DLC1: variants seen among roughly 807,000 people sequenced by gnomAD.
DLC1 encodes rho GTPase-activating protein 7.
Under a neutral mutation model 140.3 loss-of-function variants are expected in DLC1, and 54 were observed. The ratio of observed to expected loss-of-function variants is 0.38; its 90% CI spans 0.31 to 0.48. The LOEUF (loss-of-function observed/expected upper bound fraction) is 0.48. Ranked by LOEUF, DLC1 falls within the 20% of genes least tolerant of loss-of-function variation. The probability of loss-of-function intolerance (pLI) is 0.96; values close to 1 mark genes in which losing one functional copy is unlikely to be tolerated. For missense variants in DLC1, 2,536 were observed against 1,907.0 expected (o/e 1.33, Z -6.14); for synonymous variants, 986 against 728.1 (o/e 1.35, Z -5.70).
chr8:13,242,993 G>A (rs776732851), intron 5 of DLC1, among the ~76,000 whole-genome samples: 5 of 151,952 alleles, frequency 3.3e-5, no homozygotes, highest in South Asian at 2.1e-4. Flanking sequence ...TGTTGTTCTC[G>A]TGATGGTGAG....
At chr8:13,394,446 G>C (rs928880534) in intron 3 of DLC1, among the ~76,000 whole-genome samples, 18 of 152,096 alleles carry the variant, frequency 1.2e-4, no homozygotes, top group African/African-American at 4.3e-4. Context: ...GTCAAGACAT[G>C]TCTGTTGAGT....
chr8:13,100,086 T>C lies in DLC1; in HGVS notation c.2251A>G (p.Ser751Gly), dbSNP rs1267358200. ...SSSSSQSETS[S>G]AVSTPSPVTR... The stretch of plus-strand genomic sequence containing the variant: ...ACAGGGCTGGGCGTGCTGACCGCGC[T>C]GCTGGTCTCCGACTGGCTGCTGCTG... Residue 751 changes from serine to glycine, a missense_variant, in exon 9 of 18, where the codon AGC becomes GGC. Transcript: ENST00000276297. The C allele has an allele frequency of 6.2e-7, 1 of 1,613,812 alleles. No individual in the cohort carries two copies. Among genetic ancestry groups the C allele is most frequent in the Non-Finnish European group, 8.5e-7 (1 of 1,180,036 alleles).
rs562365620 is a variant in DLC1 at position 13,182,587 on chromosome 8, C to G, written c.1349-66930G>C. 2.0e-5 allele frequency among the ~76,000 whole-genome samples: 3 copies of G among 152,234 alleles called. No individual in the cohort carries two copies. The East Asian group carries it at 5.8e-4, about 29-fold the overall frequency. On this transcript the variant is annotated intron_variant, in intron 5 of 17. Transcript: ENST00000276297. ...ATTTATTAAATAGGGAATCTTTTCC[C>G]CATTTCTTGTTTTTGTCAGGTTTGT...
At chr8:13,432,335 C>T (rs1838915562) in intron 2 of DLC1, among the ~76,000 whole-genome samples, 1 of 152,028 alleles carries the variant, frequency 6.6e-6, no homozygotes, top group Non-Finnish European at 1.5e-5. Flanking sequence ...AATTTGAGAG[C>T]AAAACATGCA....
chr8:13,183,325 T>C (rs1826150177), intron 5 of DLC1, among the ~76,000 whole-genome samples: 1 of 152,206 alleles, frequency 6.6e-6, no homozygotes, highest in Non-Finnish European at 1.5e-5. Context: ...CTTGCCTGAT[T>C]GCCCTGGCCA....
At chr8:13,315,904 T>C (rs538489491) in intron 4 of DLC1, among the ~76,000 whole-genome samples, 1 of 152,358 alleles carries the variant, frequency 6.6e-6, no homozygotes, top group African/African-American at 2.4e-5. Flanking sequence ...AGTGGGTTTG[T>C]ATTTCCAGCT....
rs73665127 is a variant in DLC1 at position 13,500,911 on chromosome 8, T to C, written c.-125-715A>G. ...GGTATTTTTGAAGCTTAAGGGAAAT[T>C]AAATAATTTACTAAAGTTATACATG... On this transcript the variant is annotated intron_variant, in intron 1 of 17. Transcript: ENST00000276297. Among the ~76,000 whole-genome samples, 1,446 of 152,286 alleles carry C rather than the reference T, an allele frequency of 9.5e-3. 27 individuals are homozygous for C. The highest frequency in any genetic ancestry group is 0.033 in the African/African-American group (1,361 of 41,552).
chr8:13,155,224 A>G (rs1563116919), intron 5 of DLC1, among the ~76,000 whole-genome samples: 1 of 151,646 alleles, frequency 6.6e-6, no homozygotes, highest in African/African-American at 2.4e-5. Flanking sequence ...TTATATGGCT[A>G]TATCCTAATT....
At chr8:13,241,170 C>G (rs17188957) in intron 5 of DLC1, among the ~76,000 whole-genome samples, 7,672 of 152,298 alleles carry the variant, frequency 0.05, 239 homozygotes, top group South Asian at 0.14. Context: ...GGAGGCCAAA[C>G]TGTGGCTTCA....
chr8:13,146,799 C>G (rs558854586), intron 5 of DLC1, among the ~76,000 whole-genome samples: 1 of 152,184 alleles, frequency 6.6e-6, no homozygotes, highest in South Asian at 2.1e-4. Flanking sequence ...GAAAAGCAAA[C>G]CAGGAAATTT....
chr8:13,289,216 T>C lies in DLC1; in HGVS notation c.1348+16053A>G, dbSNP rs1278522905. Among the ~76,000 whole-genome samples the C allele has an allele frequency of 3.3e-5, 5 of 152,130 alleles. No homozygotes were observed. In the East Asian group the frequency reaches 7.7e-4, roughly 23 times the overall value. Reference sequence around the variant, plus strand: ...ATTCCTTTTATTATTATTATTATTATTTAGAGACATTGTTTTGTTCTGTCA... The same window carrying C: ...ATTCCTTTTATTATTATTATTATTACTTAGAGACATTGTTTTGTTCTGTCA... On this transcript the variant is annotated intron_variant, in intron 5 of 17. Transcript: ENST00000276297.
Position 13,090,342 on chromosome 8 carries a change from A to G in DLC1, c.3984T>C (p.Cys1328=), listed in dbSNP as rs368335571. The change falls in exon 15 of 18, where the codon TGT becomes TGC. Residue 1328 remains cysteine (C), a synonymous_variant. Coordinates refer to ENST00000276297, the MANE Select transcript of DLC1 (RefSeq NM_182643.3). ...TGACTTCTTTAAACAGGCCATCCAC[A>G]CAGTCCTGGAGGAAGTGTTGGTAGT... The part of the protein sequence containing the change: ...SADYQHFLQD[C]VDGLFKEVKE... The G allele has an allele frequency of 6.2e-7, 1 of 1,614,036 alleles. No individual in the cohort carries two copies. The highest frequency in any genetic ancestry group is 1.3e-5 in the African/African-American group (1 of 74,920).
At chr8:13,528,682 C>A (rs527652862) in intron 1 of DLC1, among the ~76,000 whole-genome samples, 96 of 152,138 alleles carry the variant, frequency 6.3e-4, no homozygotes, top group Non-Finnish European at 9.3e-4. Context: ...TTATTTGGGG[C>A]CTTGCTGAGC....
chr8:13,349,064 T>C (rs1834510211), intron 4 of DLC1, among the ~76,000 whole-genome samples: 1 of 152,140 alleles, frequency 6.6e-6, no homozygotes, highest in Admixed American at 6.5e-5. Context: ...CACAGTCGAT[T>C]TCCTGTCCGC....
At position 13,499,899 on chromosome 8, in the gene DLC1, C is replaced by G. The variant is rs745558252; in HGVS notation, c.173G>C (p.Cys58Ser). ...ATLNVDRKEK[C>S]VSLPDCCHGS... is the part of the protein sequence containing the mutation. ...ATGACAGCAGTCAGGTAGTGAAACA[C>G]ACTTCTCTTTGCGGTCCACATTTAG... The change falls in exon 2 of 18, where the codon TGT (cysteine) becomes TCT (serine). Residue 58 changes from cysteine to serine, a missense_variant. Coordinates refer to ENST00000276297, the MANE Select transcript of DLC1 (RefSeq NM_182643.3). 16 of 1,614,102 alleles carry G rather than the reference C, an allele frequency of 9.9e-6. 1 individual carries two copies. Among genetic ancestry groups the G allele is most frequent in the South Asian group, 2.2e-5 (2 of 91,088 alleles).
chr8:13,357,793 C>A (rs1835020258), intron 4 of DLC1, among the ~76,000 whole-genome samples: 1 of 152,068 alleles, frequency 6.6e-6, no homozygotes, highest in Non-Finnish European at 1.5e-5. Flanking sequence ...ATGAAGACAC[C>A]TATTTTTTTC....
At chr8:13,112,024 G>A (rs148754868) in intron 6 of DLC1, among the ~76,000 whole-genome samples, 2 of 152,160 alleles carry the variant, frequency 1.3e-5, no homozygotes, top group African/African-American at 2.4e-5. Flanking sequence ...GGTGGCATGC[G>A]GGCTGTGGTC....
At chr8:13,291,584 T>C (rs764798851) in intron 5 of DLC1, among the ~76,000 whole-genome samples, 1 of 152,208 alleles carries the variant, frequency 6.6e-6, no homozygotes, top group Non-Finnish European at 1.5e-5. Context: ...ATATGCATTA[T>C]GTCCATGTCA....
At chr8:13,132,458 G>A (rs1346396975) in intron 5 of DLC1, among the ~76,000 whole-genome samples, 1 of 152,074 alleles carries the variant, frequency 6.6e-6, no homozygotes, top group African/African-American at 2.4e-5. Flanking sequence ...AGCGCCACTA[G>A]GGTCTAAAAT....
Sources: allele counts gnomAD v4.1 joint callset (sites outside exome capture counted in the v4.1 genomes callset), GRCh38; gene constraint gnomAD v4.1.1; transcripts MANE v1.5; gene names NCBI Gene and HGNC (gene_info 2026-07-23, HGNC 2026-07-21).